Variants in ZGPAT observed in about 807,000 individuals in gnomAD.
ZGPAT encodes the protein zinc finger CCCH-type and G-patch domain containing.
In ZGPAT, 39 loss-of-function variants were observed where a neutral mutation model predicts 47.9. That is an observed-to-expected ratio of 0.81 (90% CI 0.63 to 1.06). The LOEUF (loss-of-function observed/expected upper bound fraction) is 1.06. Ranked by LOEUF, ZGPAT falls within the 50% of genes least tolerant of loss-of-function variation. The pLI is 0.00. For synonymous variants in ZGPAT, 348 were observed against 292.9 expected, an observed-to-expected ratio of 1.19 and a Z score of -1.92; for missense variants, 717 against 681.4, an observed-to-expected ratio of 1.05 and a Z score of -0.58.
At chr20:63,725,306 T>C (rs1388969443) in intron 2 of ZGPAT, among the ~76,000 whole-genome samples, 1 of 152,226 alleles carries the variant, frequency 6.6e-6, no homozygotes, top group Non-Finnish European at 1.5e-5. Context: ...AGGACAGGCT[T>C]GCTAGCAACC....
At chr20:63,732,742 ATGTG>A (rs369106342) in intron 2 of ZGPAT, among the ~76,000 whole-genome samples, 8 of 149,608 alleles carry the variant, frequency 5.3e-5, no homozygotes, top group African/African-American at 1.0e-4. Context: ...ATGTCTGTAT[ATGTG>A]TGTGTATGCC....
rs763545829 is a variant in ZGPAT at position 63,735,835 on chromosome 20, G to A, written c.1452G>A (p.Gln484=). Residue 484 remains glutamine (Q), a synonymous_variant, in exon 7 of 7, where the codon CAG becomes CAA. Coordinates refer to ENST00000355969, the MANE Select transcript of ZGPAT (RefSeq NM_181485.3). The part of the protein sequence containing the change: ...LQEKLAGAQR[Q]LGQLRAQEAG... ...AGAAGCTGGCAGGAGCCCAGCGCCA[G>A]CTGGGGCAGCTCCGGGCTCAGGAAG... 1.2e-5 allele frequency: 19 copies of A among 1,612,352 alleles called. No individual in the cohort carries two copies. Among genetic ancestry groups the A allele is most frequent in the Non-Finnish European group, 2.5e-6 (3 of 1,179,718 alleles).
In ZGPAT at chr20:63,708,774, C is replaced by A; in HGVS notation, c.194C>A (p.Ala65Glu). Reference protein sequence around the residue: ...VSVRKSSLLAALDEERPGRQE... With the variant: ...VSVRKSSLLAELDEERPGRQE... The stretch of plus-strand genomic sequence containing the variant: ...GTCAGGAAGAGCAGCTTGTTGGCCG[C>A]GCTGGACGAAGAGCGCCCGGGCCGC... The change falls in exon 2 of 7, where the codon GCG becomes GAG. Residue 65 changes from alanine to glutamate, a missense_variant. Ala to Glu is a moderately radical substitution (Grantham distance 107). Coordinates refer to ENST00000355969, the MANE Select transcript of ZGPAT (RefSeq NM_181485.3). 1 of 1,608,978 alleles carries A rather than the reference C, an allele frequency of 6.2e-7. No homozygotes were observed. The highest frequency in any genetic ancestry group is 8.5e-7 in the Non-Finnish European group (1 of 1,176,854).
intron 5 of ZGPAT, 157 bp from the exon 6 acceptor site, chr20:63,735,002 C>G (rs541140181): frequency 7.5e-7 from 1 of 1,326,128 alleles, no homozygotes; most frequent in Non-Finnish European, 1.0e-6. Context: ...CTGCCATCCC[C>G]GTGCTCCTCA....
chr20:63,732,409 C>CGCATGTGTGTGGGTGAGGGCCT (rs767320496), intron 2 of ZGPAT, among the ~76,000 whole-genome samples: 1 of 137,252 alleles, frequency 7.3e-6, no homozygotes, highest in Non-Finnish European at 1.5e-5. Context: ...CCTGTGTGTG[C>CGCATGTGTGTGGGTGAGGGCCT]GTGTGTGTGG....
At position 63,708,654 on chromosome 20, in the gene ZGPAT, G is replaced by T. The variant is rs2091606231; in HGVS notation, c.74G>T (p.Gly25Val). 6.2e-7 allele frequency: 1 copy of T among 1,612,390 alleles called. No homozygotes were observed. Among genetic ancestry groups the T allele is most frequent in the South Asian group, 1.1e-5 (1 of 91,068 alleles). ...AQLQQVELALGAGLDSSEQAD... is the reference protein window; with the variant it reads ...AQLQQVELALVAGLDSSEQAD... ...CTGCAGCAGGTGGAGCTGGCCTTGG[G>T]CGCCGGCCTGGATTCGTCTGAGCAG... The change falls in exon 2 of 7, where the codon GGC (glycine) becomes GTC (valine). Residue 25 changes from glycine to valine, a missense_variant. Transcript: ENST00000355969.
At chr20:63,724,663 T>C (rs908472141) in intron 2 of ZGPAT, among the ~76,000 whole-genome samples, 7 of 143,302 alleles carry the variant, frequency 4.9e-5, no homozygotes, top group African/African-American at 1.8e-4. Flanking sequence ...TCTGAAGAAC[T>C]TCATTTAGAA....
At position 63,736,052 on chromosome 20, in the gene ZGPAT, C is replaced by T. The variant is rs573718039; in HGVS notation, c.*133C>T. On this transcript the variant is annotated 3_prime_UTR_variant, in exon 7 of 7. Transcript: ENST00000355969. ...ACACTGCTGAGTGGAGACAGAGCTG[C>T]GGGGTCCCATCTGGACACTTACTTG... The T allele has an allele frequency of 6.9e-4, 921 of 1,328,956 alleles. 1 individual carries two copies. The highest frequency in any genetic ancestry group is 8.5e-4 in the Non-Finnish European group (838 of 982,354). The allele number at this position is 1,328,956 out of a possible 1,614,324, so 82.3% of individuals were successfully genotyped here. A position where few individuals can be genotyped will look rare whatever the true frequency, so the allele number is the denominator to read the frequency against.
chr20:63,709,402 C>A (rs2091628997), intron 2 of ZGPAT, among the ~76,000 whole-genome samples: 3 of 152,180 alleles, frequency 2.0e-5, no homozygotes, highest in Admixed American at 2.0e-4. Flanking sequence ...CTTTAGGAAG[C>A]CGAGGCGGGC....
At position 63,708,878 on chromosome 20, in the gene ZGPAT, G is replaced by C. The variant is rs1205334713; in HGVS notation, c.298G>C (p.Gly100Arg). The C allele has an allele frequency of 1.9e-6, 3 of 1,611,118 alleles. No homozygotes were observed. The highest frequency in any genetic ancestry group is 3.3e-5 in the Admixed American group (2 of 59,904). The stretch of plus-strand genomic sequence containing the variant: ...GGCACCAGCAGCGGCCCGTGGGTCC[G>C]GATCAGAGACCGTTCCTAAAGCAGA... ...VEAPAAARGS[G>R]SETVPKAEAG... The change falls in exon 2 of 7, where the codon GGA becomes CGA. Residue 100 changes from glycine (G) to arginine (R), a missense_variant. Gly to Arg is a moderately radical substitution (Grantham distance 125). Transcript: ENST00000355969.
intron 1 of ZGPAT, chr20:63,708,321 G>C: frequency 7.3e-6 from 2 of 273,576 alleles, no homozygotes; most frequent in Non-Finnish European, 1.4e-5. Context: ...GCGCCCCGCG[G>C]GGAAGGGGCT....
intron 5 of ZGPAT, 35 bp from the exon 6 acceptor site, chr20:63,735,124 G>A (rs549185437): frequency 1.4e-5 from 21 of 1,482,480 alleles, no homozygotes; most frequent in African/African-American, 1.1e-4. Context: ...CCGGGGTCCC[G>A]CAGCCACAGC....
chr20:63,730,944 CT>C (rs2091892553), intron 2 of ZGPAT, among the ~76,000 whole-genome samples: 1 of 147,132 alleles, frequency 6.8e-6, no homozygotes, highest in Non-Finnish European at 1.5e-5. Context: ...CTCTCTCTCT[CT>C]CTCTCTCTCT....
intron 2 of ZGPAT, among the ~76,000 whole-genome samples, chr20:63,727,829 C>G (rs984815016): frequency 2.0e-5 from 3 of 151,894 alleles, no homozygotes; most frequent in African/African-American, 7.3e-5. Flanking sequence ...TGCTTTTTTT[C>G]CTAAATATGG....
At chr20:63,733,458 G>A (rs2091944224) in intron 3 of ZGPAT, 106 bp downstream of exon 3, 7 of 1,596,208 alleles carry the variant, frequency 4.4e-6, no homozygotes, top group Middle Eastern at 1.7e-4. Flanking sequence ...TCGGGACTCT[G>A]GCTCTGGGCC....
At position 63,733,264 on chromosome 20, in the gene ZGPAT, C is replaced by G; in HGVS notation, c.630C>G (p.Phe210Leu). 6.2e-7 allele frequency: 1 copy of G among 1,613,836 alleles called. No individual in the cohort carries two copies. The highest frequency in any genetic ancestry group is 8.5e-7 in the Non-Finnish European group (1 of 1,179,950). ...QVVSLDELRP[F>L]QDPDLSSLQA... ...TCTCTCTGGATGAGCTGCGCCCCTT[C>G]CAGGACCCAGACCTGAGCTCCCTGC... Residue 210 changes from phenylalanine to leucine, a missense_variant, in exon 3 of 7, where the codon TTC (phenylalanine) becomes TTG (leucine). Transcript: ENST00000355969.
intron 5 of ZGPAT, 159 bp from the exon 6 acceptor site, chr20:63,735,000 C>T (rs1205631210): frequency 1.5e-5 from 20 of 1,318,790 alleles, no homozygotes; most frequent in South Asian, 3.2e-5. Flanking sequence ...CACTGCCATC[C>T]CCGTGCTCCT....
At chr20:63,708,327 G>T in intron 1 of ZGPAT, 1 of 292,260 alleles carries the variant, frequency 3.4e-6, no homozygotes, top group South Asian at 1.4e-4. Flanking sequence ...CGCGGGGAAG[G>T]GGCTCCGGAG....
intron 2 of ZGPAT, among the ~76,000 whole-genome samples, chr20:63,723,637 C>T (rs1175703701): frequency 6.6e-6 from 1 of 152,128 alleles, no homozygotes; most frequent in Admixed American, 6.6e-5. Flanking sequence ...CCTCCCTTGT[C>T]CTCTGACATA....
Sources: gnomAD v4.1 joint callset for allele counts (sites outside exome capture counted in the v4.1 genomes callset) on GRCh38, gnomAD v4.1.1 for gene constraint, MANE v1.5 for transcripts, NCBI Gene and HGNC (gene_info 2026-07-23, HGNC 2026-07-21) for gene names.